Variants in NFATC1 observed in about 807,000 individuals in gnomAD.
NFATC1 encodes nuclear factor of activated T cells 1.
NFATC1 carries 22 observed loss-of-function variants against 76.0 expected under a neutral mutation model. That is an observed-to-expected ratio of 0.29 (90% CI 0.21 to 0.41). The LOEUF is 0.41. Among genes scored for constraint, NFATC1 ranks in the 10% least tolerant of loss-of-function variants. The pLI is 1.00. For synonymous variants in NFATC1, 704 were observed against 613.1 expected (o/e 1.15, Z -2.19); for missense variants, 1,357 against 1,337.7 (o/e 1.01, Z -0.23).
intron 8 of NFATC1, among the ~76,000 whole-genome samples, chr18:79,472,819 C>G (rs1311040452): frequency 6.6e-6 from 1 of 152,246 alleles, no homozygotes; most frequent in Non-Finnish European, 1.5e-5. Context: ...GCCCTGGCCT[C>G]GCGGCGCTCT....
intron 3 of NFATC1, among the ~76,000 whole-genome samples, chr18:79,445,803 G>A (rs2087183754): frequency 1.3e-5 from 2 of 152,166 alleles, no homozygotes; most frequent in Non-Finnish European, 2.9e-5. Context: ...ACTATGGGGT[G>A]GAGGGTGAGA....
At chr18:79,454,990 A>T (rs932933291) in intron 6 of NFATC1, among the ~76,000 whole-genome samples, 1 of 152,148 alleles carries the variant, frequency 6.6e-6, no homozygotes, top group East Asian at 1.9e-4. Flanking sequence ...TGAGGGACAC[A>T]CTAACGTTCA....
At chr18:79,461,606 C>T (rs1005960248) in intron 7 of NFATC1, among the ~76,000 whole-genome samples, 7 of 152,210 alleles carry the variant, frequency 4.6e-5, no homozygotes, top group Non-Finnish European at 8.8e-5. Flanking sequence ...GCCCTGGCGG[C>T]CGGGGACGGT....
At chr18:79,442,715 C>T (rs1383964902) in intron 3 of NFATC1, among the ~76,000 whole-genome samples, 1 of 152,216 alleles carries the variant, frequency 6.6e-6, no homozygotes, top group Non-Finnish European at 1.5e-5. Flanking sequence ...TGGGGAGCTT[C>T]TGCTCCGGCG....
chr18:79,513,779 C>T (rs575860015), intron 9 of NFATC1, among the ~76,000 whole-genome samples: 3 of 152,312 alleles, frequency 2.0e-5, no homozygotes, highest in African/African-American at 4.8e-5. Flanking sequence ...GTGACACCCA[C>T]GGTGGTTCGT....
At chr18:79,487,059 G>C (rs1225426407) in intron 9 of NFATC1, 122 bp downstream of exon 9, 2 of 1,164,304 alleles carry the variant, frequency 1.7e-6, no homozygotes, top group Non-Finnish European at 2.4e-6. Context: ...ACCGGGCAGG[G>C]TGTGGGGTGC....
intron 1 of NFATC1, among the ~76,000 whole-genome samples, chr18:79,407,024 G>GA (rs1311212813): frequency 6.6e-6 from 1 of 152,238 alleles, no homozygotes; most frequent in Non-Finnish European, 1.5e-5. Flanking sequence ...CCACGGAGGG[G>GA]CCACCGTGAC....
intron 1 of NFATC1, among the ~76,000 whole-genome samples, chr18:79,406,203 A>G (rs1161560347): frequency 1.3e-5 from 2 of 152,268 alleles, no homozygotes; most frequent in East Asian, 1.9e-4. Flanking sequence ...TTACCTTTCT[A>G]CCAGCAAATG....
intron 2 of NFATC1, among the ~76,000 whole-genome samples, chr18:79,433,123 G>C: frequency 6.6e-6 from 1 of 152,270 alleles, no homozygotes; most frequent in East Asian, 1.9e-4. Context: ...GCGGCGCTGC[G>C]CACATCACAA....
At chr18:79,446,658 G>C (rs561047187) in intron 3 of NFATC1, among the ~76,000 whole-genome samples, 9 of 152,062 alleles carry the variant, frequency 5.9e-5, no homozygotes, top group Non-Finnish European at 1.3e-4. Flanking sequence ...AGCGTCCCCC[G>C]TCCTGACTGT....
In NFATC1 at chr18:79,464,176, G is replaced by A. The variant is rs146571802; in HGVS notation, c.1959+2810G>A. 5.9e-3 allele frequency among the ~76,000 whole-genome samples: 896 copies of A among 152,178 alleles called. 11 individuals are homozygous for A. The highest frequency in any genetic ancestry group is 0.019 in the African/African-American group (799 of 41,520). ...TCGATCTCAGCTCATTGCAGCCTCCGCCTCCCAGGTTCAAGCGATTCTCAT... is the reference window on the plus strand; with the variant it reads ...TCGATCTCAGCTCATTGCAGCCTCCACCTCCCAGGTTCAAGCGATTCTCAT... On this transcript the variant is annotated intron_variant, in intron 7 of 9. Coordinates refer to ENST00000427363, the MANE Select transcript of NFATC1 (RefSeq NM_001278669.2).
intron 9 of NFATC1, among the ~76,000 whole-genome samples, chr18:79,511,917 G>A (rs947957494): frequency 4.6e-5 from 7 of 152,256 alleles, no homozygotes; most frequent in Admixed American, 6.5e-5. Flanking sequence ...AGGGCGGCAC[G>A]GGCCTGGGGA....
intron 9 of NFATC1, among the ~76,000 whole-genome samples, chr18:79,492,937 T>C (rs2089730749): frequency 1.3e-5 from 2 of 148,300 alleles, no homozygotes; most frequent in African/African-American, 5.0e-5. Flanking sequence ...AGGATTTCTT[T>C]GCTTTCCAGT....
chr18:79,400,810 T>A (rs1432706439), intron 1 of NFATC1, among the ~76,000 whole-genome samples: 1 of 4,488 alleles, frequency 2.2e-4, no homozygotes, highest in Non-Finnish European at 3.9e-4. Context: ...CGTCCCGCCC[T>A]CCCGACCTCC....
intron 4 of NFATC1, among the ~76,000 whole-genome samples, chr18:79,450,626 CA>C (rs1346594444): frequency 1.3e-5 from 2 of 152,132 alleles, no homozygotes; most frequent in Non-Finnish European, 2.9e-5. Context: ...GGACTTGGGA[CA>C]GCTCCGACTG....
Position 79,513,514 on chromosome 18 carries a change from C to T in NFATC1, c.2783-14014C>T, listed in dbSNP as rs571224614. Reference sequence around the variant, plus strand: ...ACTTTAAAAACTGGTACAAAAGCACCTCTTAAAGATTCAAACGATAATTCG... The same window carrying T: ...ACTTTAAAAACTGGTACAAAAGCACTTCTTAAAGATTCAAACGATAATTCG... On this transcript the variant is annotated intron_variant, in intron 9 of 9. Coordinates refer to ENST00000427363, the MANE Select transcript of NFATC1 (RefSeq NM_001278669.2). 2.7e-3 allele frequency among the ~76,000 whole-genome samples: 407 copies of T among 152,372 alleles called. 2 individuals are homozygous for T. Among genetic ancestry groups the T allele is most frequent in the Non-Finnish European group, 2.9e-3 (200 of 68,034 alleles).
chr18:79,477,701 C>T (rs2089131992), intron 8 of NFATC1, among the ~76,000 whole-genome samples: 1 of 152,242 alleles, frequency 6.6e-6, no homozygotes, highest in South Asian at 2.1e-4. Context: ...AGTGGAGCAC[C>T]ACCGGCTGGG....
rs1332914990 is a variant in NFATC1, at chr18:79,410,496, C to T, written c.221C>T (p.Thr74Ile). The T allele has an allele frequency of 1.2e-6, 2 of 1,612,128 alleles. No individual in the cohort carries two copies. Among genetic ancestry groups the T allele is most frequent in the African/African-American group, 1.3e-5 (1 of 74,922 alleles). Residue 74 changes from threonine to isoleucine, a missense_variant, in exon 2 of 10, where the codon ACC becomes ATC. Thr to Ile is a moderately conservative substitution (Grantham distance 89). Coordinates refer to ENST00000427363, the MANE Select transcript of NFATC1 (RefSeq NM_001278669.2). This position sits in a 1 kb window ranked among gnomAD's most constrained non-coding sequence, Gnocchi z 6.7. ...CCGGCCCCGTGCCACAACCTTCAGA[C>T]CTCCACACCGGGCATCATCCCGCCG... ...TLPAPCHNLQ[T>I]STPGIIPPAD...
rs767443429 is a variant in NFATC1 at position 79,486,473 on chromosome 18, C to G, written c.2318C>G (p.Pro773Arg). The change falls in exon 9 of 10, where the codon CCC becomes CGC. Residue 773 changes from proline to arginine, a missense_variant. Coordinates refer to ENST00000427363, the MANE Select transcript of NFATC1 (RefSeq NM_001278669.2). ...GVSPKLHDLS[P>R]AAYTKGVASP... is the part of the protein sequence containing the mutation. ...AGCCCCAAGCTCCACGACCTTTCTCCCGCTGCCTACACCAAGGGCGTTGCC... is the reference window on the plus strand; with the variant it reads ...AGCCCCAAGCTCCACGACCTTTCTCGCGCTGCCTACACCAAGGGCGTTGCC... The G allele has an allele frequency of 3.7e-6, 6 of 1,609,098 alleles. No individual in the cohort carries two copies. The highest frequency in any genetic ancestry group is 5.1e-6 in the Non-Finnish European group (6 of 1,179,792).
Sources: gnomAD v4.1 joint callset for allele counts (sites outside exome capture counted in the v4.1 genomes callset) on GRCh38, gnomAD v4.1.1 for gene constraint, Gnocchi (gnomAD v3.1) non-coding constraint, MANE v1.5 for transcripts, NCBI Gene and HGNC (gene_info 2026-07-23, HGNC 2026-07-21) for gene names.